Variants in ADAMTSL1 observed in about 807,000 individuals in gnomAD.
The protein encoded by ADAMTSL1 is ADAMTS-like protein 1.
ADAMTSL1 carries 126 observed loss-of-function variants against 201.8 expected under a neutral mutation model. The observed-to-expected ratio is 0.62, with a 90% confidence interval of 0.54 to 0.72. ADAMTSL1 has a LOEUF of 0.72. Ranked by LOEUF, ADAMTSL1 falls within the 30% of genes least tolerant of loss-of-function variation. ADAMTSL1 has a pLI of 0.00. For missense variants in ADAMTSL1, 2,679 were observed against 2,277.8 expected (o/e 1.18, Z -3.59); for synonymous variants, 1,121 against 903.4 (o/e 1.24, Z -4.32).
chr9:18,177,475 G>C (rs1028926495), intron 2 of ADAMTSL1, among the ~76,000 whole-genome samples: 6 of 152,148 alleles, frequency 3.9e-5, no homozygotes, highest in African/African-American at 7.2e-5. Context: ...CGTGAAAATA[G>C]ACATTTGTTT....
intron 1 of ADAMTSL1, among the ~76,000 whole-genome samples, chr9:17,913,820 T>TAA (rs200132068): frequency 6.6e-6 from 1 of 151,936 alleles, no homozygotes; most frequent in Non-Finnish European, 1.5e-5. Context: ...ATAGACGCAA[T>TAA]AAAAATGATA....
At chr9:18,758,917 A>G (rs1224732880) in intron 16 of ADAMTSL1, among the ~76,000 whole-genome samples, 4 of 152,142 alleles carry the variant, frequency 2.6e-5, no homozygotes, top group African/African-American at 7.2e-5. Context: ...GCCTCTCTAT[A>G]TCTAATATAT....
intron 4 of ADAMTSL1, among the ~76,000 whole-genome samples, chr9:18,621,936 T>G (rs1826061591): frequency 6.6e-6 from 1 of 152,180 alleles, no homozygotes; most frequent in Non-Finnish European, 1.5e-5. Context: ...ACATCAATAA[T>G]TCAGGATCTT....
intron 23 of ADAMTSL1, among the ~76,000 whole-genome samples, chr9:18,878,882 A>G (rs749303070): frequency 1.8e-4 from 28 of 152,274 alleles, no homozygotes; most frequent in Non-Finnish European, 3.4e-4. Context: ...TGAGACTCAG[A>G]GCTCTGCAGG....
chr9:18,014,218 C>T (rs1225093818), intron 1 of ADAMTSL1, among the ~76,000 whole-genome samples: 2 of 151,996 alleles, frequency 1.3e-5, no homozygotes, highest in African/African-American at 4.8e-5. Flanking sequence ...CAGGATGCTA[C>T]CTATCAGCAG....
Position 18,777,261 on chromosome 9 carries a change from G to A in ADAMTSL1, c.3032G>A (p.Arg1011Gln). 6.2e-7 allele frequency: 1 copy of A among 1,611,032 alleles called. No individual in the cohort carries two copies. The highest frequency in any genetic ancestry group is 8.5e-7 in the Non-Finnish European group (1 of 1,179,082). Residue 1011 changes from arginine (R) to glutamine (Q), a missense_variant, in exon 19 of 29, where the codon CGG (arginine) becomes CAG (glutamine). By Grantham distance (43) the Arg-to-Gln change is conservative. Transcript: ENST00000380548. ...TCCAACGGCAGCAAGGCGGAGAAGCGGGGCCTGGCCGCCAACCCGGGGAGC... is the reference window on the plus strand; with the variant it reads ...TCCAACGGCAGCAAGGCGGAGAAGCAGGGCCTGGCCGCCAACCCGGGGAGC... ...IFSNGSKAEK[R>Q]GLAANPGSRY...
intron 2 of ADAMTSL1, among the ~76,000 whole-genome samples, chr9:18,340,402 C>G (rs890574144): frequency 1.3e-5 from 2 of 152,130 alleles, no homozygotes; most frequent in Non-Finnish European, 1.5e-5. Context: ...AAATGTATAT[C>G]CAACTCTTAA....
At chr9:18,599,091 G>A (rs996860127) in intron 4 of ADAMTSL1, among the ~76,000 whole-genome samples, 6 of 152,142 alleles carry the variant, frequency 3.9e-5, no homozygotes, top group Non-Finnish European at 5.9e-5. Flanking sequence ...AGGGTTGATT[G>A]ACAGAAAGAT....
At chr9:17,931,227 C>G (rs920254538) in intron 1 of ADAMTSL1, among the ~76,000 whole-genome samples, 17 of 152,160 alleles carry the variant, frequency 1.1e-4, no homozygotes, top group African/African-American at 4.1e-4. Context: ...CCATTCTTCC[C>G]GACTCCACAG....
chr9:18,671,020 A>G (rs984889509), intron 9 of ADAMTSL1, among the ~76,000 whole-genome samples: 14 of 152,238 alleles, frequency 9.2e-5, no homozygotes, highest in African/African-American at 3.4e-4. Flanking sequence ...TGTAAATGCT[A>G]TGTAAATAAT....
intron 1 of ADAMTSL1, among the ~76,000 whole-genome samples, chr9:18,016,129 G>T (rs1199032489): frequency 6.6e-6 from 1 of 152,068 alleles, no homozygotes; most frequent in South Asian, 2.1e-4. Context: ...AAACATAAGA[G>T]AGAGAGTCAG....
At chr9:18,523,527 C>A (rs1263898062) in intron 2 of ADAMTSL1, among the ~76,000 whole-genome samples, 1 of 152,088 alleles carries the variant, frequency 6.6e-6, no homozygotes, top group African/African-American at 2.4e-5. Context: ...ATGCCTATGT[C>A]CTGAATGGTA....
At chr9:18,297,252 A>C (rs1413088128) in intron 2 of ADAMTSL1, among the ~76,000 whole-genome samples, 2 of 152,142 alleles carry the variant, frequency 1.3e-5, no homozygotes, top group East Asian at 3.9e-4. Context: ...AAGTGTATAG[A>C]TAGTGACTTT....
intron 19 of ADAMTSL1, among the ~76,000 whole-genome samples, chr9:18,778,944 T>C (rs1563794410): frequency 6.6e-6 from 1 of 152,244 alleles, no homozygotes; most frequent in African/African-American, 2.4e-5. Flanking sequence ...CATAATGCTC[T>C]TTTCATTAAG....
chr9:18,264,782 G>A (rs1411257727), intron 2 of ADAMTSL1, among the ~76,000 whole-genome samples: 1 of 152,144 alleles, frequency 6.6e-6, no homozygotes, highest in African/African-American at 2.4e-5. Context: ...ACATCTCTGT[G>A]TCTCTTGTAT....
chr9:18,725,561 G>A (rs1587992018), intron 15 of ADAMTSL1, among the ~76,000 whole-genome samples: 1 of 151,982 alleles, frequency 6.6e-6, no homozygotes, highest in East Asian at 1.9e-4. Context: ...TACCCAAAAA[G>A]GACCTAAGAT....
At chr9:18,392,479 C>T (rs1838092281) in intron 2 of ADAMTSL1, among the ~76,000 whole-genome samples, 1 of 152,202 alleles carries the variant, frequency 6.6e-6, no homozygotes, top group South Asian at 2.1e-4. Flanking sequence ...TCCACTTGGC[C>T]TGGCGTGCTC....
intron 3 of ADAMTSL1, among the ~76,000 whole-genome samples, chr9:18,557,870 T>C (rs1821199106): frequency 6.6e-6 from 1 of 152,062 alleles, no homozygotes. Flanking sequence ...GCATGTTTCA[T>C]TGTAGATTAA....
chr9:17,963,000 A>G (rs1242857007), intron 1 of ADAMTSL1, among the ~76,000 whole-genome samples: 1 of 152,210 alleles, frequency 6.6e-6, no homozygotes, highest in Non-Finnish European at 1.5e-5. Context: ...ATTCCCTGTG[A>G]CCTTCGGGGC....
Sources: gnomAD v4.1 joint callset for allele counts (sites outside exome capture counted in the v4.1 genomes callset) on GRCh38, gnomAD v4.1.1 for gene constraint, MANE v1.5 for transcripts, NCBI Gene and HGNC (gene_info 2026-07-23, HGNC 2026-07-21) for gene names.